The following FOXP1 variants were observed in gnomAD, a reference collection of about 807,000 sequenced individuals.
FOXP1 encodes the protein forkhead box P1.
In FOXP1, 15 loss-of-function variants were observed where a neutral mutation model predicts 98.2. That is an observed-to-expected ratio of 0.15 (90% CI 0.10 to 0.24). The LOEUF (loss-of-function observed/expected upper bound fraction) is 0.24, where lower values mean the gene tolerates loss of function less well. Ranked by LOEUF, FOXP1 falls within the 10% of genes least tolerant of loss-of-function variation. The pLI is 1.00. For missense variants in FOXP1, 633 were observed against 848.5 expected (o/e 0.75, Z 3.15); for synonymous variants, 371 against 314.5 (o/e 1.18, Z -1.90).
In FOXP1 at chr3:71,581,691, T is replaced by G. The variant is rs1429820742; in HGVS notation, c.-440A>C. ...CGCGCTCTCTTCCTCTTACAAACTT[T>G]CGGGTTCTGCAGTCGACAAGAAACC... is the stretch of plus-strand genomic sequence containing the variant. On this transcript the variant is annotated 5_prime_UTR_variant, in exon 2 of 21. Transcript: ENST00000649528. The G allele has an allele frequency of 1.0e-6, 1 of 985,592 alleles. No individual in the cohort carries two copies. Among genetic ancestry groups the G allele is most frequent in the Non-Finnish European group, 1.2e-6 (1 of 830,092 alleles). 61.1% of individuals were successfully genotyped at this position (985,592 alleles called of 1,614,324 possible).
intron 14 of FOXP1, among the ~76,000 whole-genome samples, chr3:70,984,346 T>TG (rs1448006995): frequency 6.6e-6 from 1 of 152,226 alleles, no homozygotes; most frequent in Non-Finnish European, 1.5e-5. Flanking sequence ...AAGGCTGACC[T>TG]CTTACCATTT....
At chr3:71,385,580 A>G (rs900800996) in intron 3 of FOXP1, among the ~76,000 whole-genome samples, 1 of 152,214 alleles carries the variant, frequency 6.6e-6, no homozygotes, top group East Asian at 1.9e-4. Flanking sequence ...ATAAGAGAAC[A>G]GCGCATGCTC....
At chr3:71,441,245 A>G (rs1238611523) in intron 3 of FOXP1, among the ~76,000 whole-genome samples, 2 of 152,214 alleles carry the variant, frequency 1.3e-5, no homozygotes, top group Admixed American at 6.5e-5. Flanking sequence ...AGTAGAAGGT[A>G]GCTTTAACCC....
intron 6 of FOXP1, among the ~76,000 whole-genome samples, chr3:71,168,675 C>T (rs1302477782): frequency 6.6e-6 from 1 of 152,224 alleles, no homozygotes; most frequent in African/African-American, 2.4e-5. Context: ...TACCTCCACT[C>T]TTGGTAGAGC....
intron 5 of FOXP1, among the ~76,000 whole-genome samples, chr3:71,200,386 C>T (rs1171193412): frequency 6.6e-6 from 1 of 152,150 alleles, no homozygotes; most frequent in Admixed American, 6.5e-5. Context: ...ACTAAGGATC[C>T]ACAAGTTATT....
intron 6 of FOXP1, among the ~76,000 whole-genome samples, chr3:71,130,244 C>T (rs2107913598): frequency 6.6e-6 from 1 of 152,218 alleles, no homozygotes; most frequent in Admixed American, 6.5e-5. Context: ...CGGCTGCTTA[C>T]TTAGCTGATT....
chr3:71,511,325 CCA>C (rs1183581987), intron 2 of FOXP1, among the ~76,000 whole-genome samples: 13 of 152,074 alleles, frequency 8.5e-5, no homozygotes, highest in Non-Finnish European at 4.4e-5. Flanking sequence ...ACACAACAAA[CCA>C]CAGTGTAGTC....
chr3:70,957,659 G>A lies in FOXP1; in HGVS notation c.*1588C>T, dbSNP rs1206521660. ...GTGTGGAGGGGTTCTAAGGACTGAG[G>A]TTGTACTGACCTGTAACCATCACAT... On this transcript the variant is annotated 3_prime_UTR_variant, in exon 21 of 21. Coordinates refer to ENST00000649528, the MANE Select transcript of FOXP1 (RefSeq NM_001349338.3). 4.3e-6 allele frequency: 1 copy of A among 233,036 alleles called. No homozygotes were observed. Among genetic ancestry groups the A allele is most frequent in the Non-Finnish European group, 8.5e-6 (1 of 117,882 alleles). The allele number at this position is 233,036 out of a possible 1,614,324, so 14.4% of individuals were successfully genotyped here. A position where few individuals can be genotyped will look rare whatever the true frequency, so the allele number is the denominator to read the frequency against.
intron 6 of FOXP1, among the ~76,000 whole-genome samples, chr3:71,137,188 T>C (rs1004734534): frequency 6.6e-6 from 1 of 152,222 alleles, no homozygotes; most frequent in Non-Finnish European, 1.5e-5. Flanking sequence ...GCTACCTGAC[T>C]GGATAAACCT....
intron 6 of FOXP1, among the ~76,000 whole-genome samples, chr3:71,150,360 T>C (rs1276218068): frequency 3.9e-5 from 6 of 152,244 alleles, no homozygotes; most frequent in African/African-American, 9.6e-5. Flanking sequence ...CCTTCTGATA[T>C]GCATTTAGAA....
At chr3:71,101,540 T>C (rs998911933) in intron 7 of FOXP1, among the ~76,000 whole-genome samples, 3 of 151,874 alleles carry the variant, frequency 2.0e-5, no homozygotes, top group African/African-American at 7.3e-5. Flanking sequence ...GCCCATGCAA[T>C]GTATTACTAA....
intron 5 of FOXP1, among the ~76,000 whole-genome samples, chr3:71,272,520 A>G (rs888634942): frequency 2.0e-5 from 3 of 152,054 alleles, no homozygotes; most frequent in Non-Finnish European, 4.4e-5. Context: ...AGAAGCTTCC[A>G]TGCCTGTGTC....
intron 3 of FOXP1, among the ~76,000 whole-genome samples, chr3:71,364,813 A>G (rs1336584315): frequency 6.6e-6 from 1 of 152,238 alleles, no homozygotes; most frequent in Non-Finnish European, 1.5e-5. Flanking sequence ...TTCAAACAAA[A>G]TAAATGTTGA....
intron 2 of FOXP1, among the ~76,000 whole-genome samples, chr3:71,505,744 ATTC>A (rs952414310): frequency 6.6e-6 from 1 of 151,976 alleles, no homozygotes; most frequent in African/African-American, 2.4e-5. Flanking sequence ...GATGCTTTCT[ATTC>A]TTCTCTCGGT....
chr3:71,262,335 A>C (rs2069240378), intron 5 of FOXP1, among the ~76,000 whole-genome samples: 1 of 149,376 alleles, frequency 6.7e-6, no homozygotes, highest in Admixed American at 6.7e-5. Flanking sequence ...CAGACACTCA[A>C]TGCTAAGAAT....
At chr3:71,542,597 G>A (rs138832833) in intron 2 of FOXP1, among the ~76,000 whole-genome samples, 4 of 152,222 alleles carry the variant, frequency 2.6e-5, no homozygotes, top group Non-Finnish European at 5.9e-5. Context: ...CCGCACAGAC[G>A]ACACAGTTCA....
intron 4 of FOXP1, among the ~76,000 whole-genome samples, chr3:71,307,681 T>C (rs1466864097): frequency 2.0e-5 from 3 of 152,230 alleles, no homozygotes; most frequent in Non-Finnish European, 2.9e-5. Flanking sequence ...AGAAAGCTTC[T>C]GTCCATCCCC....
At chr3:71,516,904 G>T (rs1043561809) in intron 2 of FOXP1, among the ~76,000 whole-genome samples, 2 of 152,110 alleles carry the variant, frequency 1.3e-5, no homozygotes, top group Non-Finnish European at 2.9e-5. Flanking sequence ...TTAGCCAATC[G>T]ACACATACGC....
intron 9 of FOXP1, among the ~76,000 whole-genome samples, chr3:71,051,422 G>A (rs2049876688): frequency 6.6e-6 from 1 of 152,150 alleles, no homozygotes; most frequent in South Asian, 2.1e-4. Context: ...TGTGTCAAGG[G>A]AGGAGGCAGC....
Sources: gnomAD v4.1 joint callset for allele counts (sites outside exome capture counted in the v4.1 genomes callset) on GRCh38, gnomAD v4.1.1 for gene constraint, MANE v1.5 for transcripts, NCBI Gene and HGNC (gene_info 2026-07-23, HGNC 2026-07-21) for gene names.